CHSY3: variants seen among roughly 807,000 people sequenced by gnomAD.
CHSY3 encodes the protein N-acetylgalactosaminyl-proteoglycan 3-beta-glucuronosyltransferase 3.
CHSY3 carries 35 observed loss-of-function variants against 67.2 expected under a neutral mutation model. That is an observed-to-expected ratio of 0.52 (90% CI 0.40 to 0.69). The LOEUF (loss-of-function observed/expected upper bound fraction) is 0.69, where lower values mean the gene tolerates loss of function less well. Among genes scored for constraint, CHSY3 ranks in the 30% least tolerant of loss-of-function variants. CHSY3 has a pLI of 0.00. For missense variants in CHSY3, 1,069 were observed against 1,138.5 expected (o/e 0.94, Z 0.88); for synonymous variants, 474 against 434.7 (o/e 1.09, Z -1.12).
At chr5:129,984,757 A>G (rs1032620658) in intron 2 of CHSY3, among the ~76,000 whole-genome samples, 1 of 152,128 alleles carries the variant, frequency 6.6e-6, no homozygotes, top group Non-Finnish European at 1.5e-5. Flanking sequence ...TTTTATTTGC[A>G]TATGCCTAAT....
intron 2 of CHSY3, among the ~76,000 whole-genome samples, chr5:130,078,881 G>A (rs891615835): frequency 4.6e-5 from 7 of 152,104 alleles, no homozygotes; most frequent in Middle Eastern, 3.2e-3. Flanking sequence ...GAATAAGGCC[G>A]GATCCATTGC....
chr5:130,185,332 A>T lies in CHSY3; in HGVS notation c.2190A>T (p.Arg730=). The T allele has an allele frequency of 6.2e-7, 1 of 1,608,276 alleles. No homozygotes were observed. The highest frequency in any genetic ancestry group is 8.5e-7 in the Non-Finnish European group (1 of 1,174,650). Residue 730 remains arginine (R), a synonymous_variant, in exon 3 of 3, where the codon CGA becomes CGT. Coordinates refer to ENST00000305031, the MANE Select transcript of CHSY3 (RefSeq NM_175856.5). ...TCTTCAGAGAAGATTTTCTCCAACG[A>T]TGTAGAGACAATACAATTCAGGGAC... ...DLIFREDFLQ[R]CRDNTIQGQQ...
At chr5:130,141,025 T>C (rs1768847920) in intron 2 of CHSY3, 2 of 307,634 alleles carry the variant, frequency 6.5e-6, no homozygotes, top group Non-Finnish European at 1.0e-5. Context: ...TCCATGATAT[T>C]GTCCTGGTTC....
chr5:130,069,467 T>C (rs1012142848), intron 2 of CHSY3, among the ~76,000 whole-genome samples: 1 of 151,992 alleles, frequency 6.6e-6, no homozygotes, highest in Admixed American at 6.6e-5. Context: ...CTGAGCAATA[T>C]AGTGAGACCC....
At chr5:130,179,916 G>A (rs78906508) in intron 2 of CHSY3, among the ~76,000 whole-genome samples, 1,635 of 152,230 alleles carry the variant, frequency 0.011, 20 homozygotes, top group African/African-American at 0.036. Flanking sequence ...TTTCTCTGCT[G>A]CTTCAGATTA....
chr5:130,054,280 T>C (rs1010916726), intron 2 of CHSY3, among the ~76,000 whole-genome samples: 2 of 152,218 alleles, frequency 1.3e-5, no homozygotes, highest in East Asian at 3.8e-4. Flanking sequence ...ATTTTTATTA[T>C]GGATATAGCC....
chr5:130,182,268 A>G (rs1770271227), intron 2 of CHSY3, among the ~76,000 whole-genome samples: 1 of 151,986 alleles, frequency 6.6e-6, no homozygotes, highest in Non-Finnish European at 1.5e-5. Context: ...ATGTTTTTAT[A>G]TGTCTATTGA....
Position 129,905,405 on chromosome 5 carries a change from G to A in CHSY3, c.576G>A (p.Gln192=). Residue 192 remains glutamine, a synonymous_variant, in exon 1 of 3, where the codon CAG becomes CAA. Coordinates refer to ENST00000305031, the MANE Select transcript of CHSY3 (RefSeq NM_175856.5). ...KYLGSRALAA[Q]RTWARFIPGR... The stretch of plus-strand genomic sequence containing the variant: ...TGGGCAGCCGCGCGCTGGCCGCGCA[G>A]CGGACCTGGGCGCGTTTCATCCCGG... The A allele has an allele frequency of 1.9e-6, 3 of 1,608,054 alleles. No individual in the cohort carries two copies. Among genetic ancestry groups the A allele is most frequent in the Non-Finnish European group, 2.5e-6 (3 of 1,178,454 alleles).
At chr5:129,977,067 G>A (rs1485668150) in intron 2 of CHSY3, among the ~76,000 whole-genome samples, 1 of 151,836 alleles carries the variant, frequency 6.6e-6, no homozygotes, top group African/African-American at 2.4e-5. Flanking sequence ...TTTATACCTC[G>A]AATCTGAAAA....
chr5:130,080,438 T>C (rs1286435845), intron 2 of CHSY3, among the ~76,000 whole-genome samples: 3 of 152,118 alleles, frequency 2.0e-5, no homozygotes, highest in Admixed American at 2.0e-4. Flanking sequence ...TTTCTCACAG[T>C]GTATTTCTGC....
At chr5:130,011,216 A>T (rs1349939316) in intron 2 of CHSY3, among the ~76,000 whole-genome samples, 1 of 152,198 alleles carries the variant, frequency 6.6e-6, no homozygotes, top group East Asian at 1.9e-4. Context: ...CTAGATGCAG[A>T]AGTGCTCAAC....
intron 2 of CHSY3, among the ~76,000 whole-genome samples, chr5:130,035,343 C>G (rs1396984285): frequency 6.6e-6 from 1 of 152,038 alleles, no homozygotes; most frequent in Admixed American, 6.6e-5. Context: ...AGAGAGGAAT[C>G]CAGCCTGCCT....
At chr5:130,140,458 G>A (rs1249346049) in intron 2 of CHSY3, 13 of 1,122,492 alleles carry the variant, frequency 1.2e-5, no homozygotes, top group Non-Finnish European at 1.5e-5. Flanking sequence ...TGTGGTCACA[G>A]TGCCAGCTTA....
At chr5:130,022,706 A>G (rs1460738962) in intron 2 of CHSY3, among the ~76,000 whole-genome samples, 2 of 152,002 alleles carry the variant, frequency 1.3e-5, no homozygotes, top group Non-Finnish European at 2.9e-5. Flanking sequence ...TTGCTAATTT[A>G]TTCAGATACC....
In CHSY3 at chr5:130,143,768, G is replaced by GTGTGTA. The variant is rs1347923514; in HGVS notation, c.1087-40460_1087-40459insGTGTAT. 8.6e-3 allele frequency among the ~76,000 whole-genome samples: 558 copies of GTGTGTA among 64,950 alleles called. 19 individuals carry two copies. Among genetic ancestry groups the GTGTGTA allele is most frequent in the African/African-American group, 0.03 (515 of 16,918 alleles). 42.6% of individuals were successfully genotyped at this position (64,950 alleles called of 152,430 possible). A position where few individuals can be genotyped will look rare whatever the true frequency, so the allele number is the denominator to read the frequency against. ...TATATATATATATATGTGTGTGTGTGTATATATATATATGTGTATATATAT... is the reference window on the plus strand; with the variant it reads ...TATATATATATATATGTGTGTGTGTGTGTGTATATATATATATATGTGTATATATAT... On this transcript the variant is annotated intron_variant, in intron 2 of 2. Coordinates refer to ENST00000305031, the MANE Select transcript of CHSY3 (RefSeq NM_175856.5).
Position 130,113,404 on chromosome 5 carries a change from G to T in CHSY3, c.1087-70825G>T, listed in dbSNP as rs543002823. Among the ~76,000 whole-genome samples the T allele has an allele frequency of 8.5e-5, 13 of 152,216 alleles. No homozygotes were observed. In the South Asian group the frequency reaches 2.7e-3, roughly 32 times the overall value. On this transcript the variant is annotated intron_variant, in intron 2 of 2. Transcript: ENST00000305031. ...TTTTAAGTACAGTTCTATGTACTTT[G>T]TAATCTCTCCATTTATAAATGTCAC...
chr5:129,967,299 T>C (rs1258545968), intron 2 of CHSY3, among the ~76,000 whole-genome samples: 1 of 151,810 alleles, frequency 6.6e-6, no homozygotes, highest in Non-Finnish European at 1.5e-5. Flanking sequence ...AATCAAGTCA[T>C]GTAAATAAGG....
chr5:130,031,535 T>G (rs1764704054), intron 2 of CHSY3, among the ~76,000 whole-genome samples: 2 of 152,166 alleles, frequency 1.3e-5, no homozygotes. Context: ...GCAACATTGC[T>G]TTGGCTAGTA....
At chr5:129,956,324 T>C (rs896298938) in intron 2 of CHSY3, among the ~76,000 whole-genome samples, 5 of 152,206 alleles carry the variant, frequency 3.3e-5, no homozygotes, top group African/African-American at 1.2e-4. Flanking sequence ...GAGCTTTTTT[T>C]CATATGCTTG....
Sources: allele counts gnomAD v4.1 joint callset (sites outside exome capture counted in the v4.1 genomes callset), GRCh38; gene constraint gnomAD v4.1.1; transcripts MANE v1.5; gene names NCBI Gene and HGNC (gene_info 2026-07-23, HGNC 2026-07-21).